The following MRC1 variants were observed in gnomAD, a reference collection of about 807,000 sequenced individuals.
MRC1 encodes macrophage mannose receptor 1.
A neutral mutation model predicts 102.9 loss-of-function variants in MRC1; 62 were observed. That is an observed-to-expected ratio of 0.60 (90% CI 0.49 to 0.74). MRC1 has a LOEUF of 0.74. MRC1 is among the 30% of genes least tolerant of loss of function. The probability of loss-of-function intolerance (pLI) is 0.00; values close to 1 mark genes in which losing one functional copy is unlikely to be tolerated. For missense variants in MRC1, 1,237 were observed against 862.8 expected (o/e 1.43, Z -5.43); for synonymous variants, 457 against 298.4 (o/e 1.53, Z -5.48).
chr10:17,853,607 T>A (rs1388146269), intron 8 of MRC1, among the ~76,000 whole-genome samples: 1 of 143,100 alleles, frequency 7.0e-6, no homozygotes, highest in East Asian at 2.0e-4. Context: ...TGTGTATATA[T>A]ATATATATGT....
chr10:17,863,722 C>T (rs1429521829), intron 11 of MRC1, 40 bp downstream of exon 11: 12 of 775,068 alleles, frequency 1.5e-5, no homozygotes, highest in African/African-American at 6.8e-5. Context: ...TTTCACCCTA[C>T]GAATCTGTTA....
At chr10:17,868,254 G>A (rs1264205760) in intron 12 of MRC1, among the ~76,000 whole-genome samples, 1 of 152,150 alleles carries the variant, frequency 6.6e-6, no homozygotes, top group African/African-American at 2.4e-5. Context: ...AATTTAAAAA[G>A]GAAAGAGGTT....
At chr10:17,906,673 G>A (rs1392201003) in intron 26 of MRC1, among the ~76,000 whole-genome samples, 2 of 152,118 alleles carry the variant, frequency 1.3e-5, no homozygotes, top group African/African-American at 4.8e-5. Context: ...CTAGTTCAGT[G>A]CTTGTACTCA....
intron 17 of MRC1, 106 bp downstream of exon 17, chr10:17,875,359 A>C: frequency 1.3e-6 from 1 of 741,504 alleles, no homozygotes; most frequent in Non-Finnish European, 2.5e-6. Flanking sequence ...ATTTTGGTAC[A>C]CCCGTCACCT....
intron 22 of MRC1, among the ~76,000 whole-genome samples, chr10:17,885,678 C>G (rs1238892539): frequency 6.6e-6 from 1 of 152,128 alleles, no homozygotes; most frequent in Non-Finnish European, 1.5e-5. Flanking sequence ...CATTCTGAGC[C>G]TAACTTGCAG....
chr10:17,826,079 G>C (rs1230072635), intron 2 of MRC1, among the ~76,000 whole-genome samples: 1 of 152,072 alleles, frequency 6.6e-6, no homozygotes, highest in Non-Finnish European at 1.5e-5. Context: ...ATTACAATGA[G>C]TAAAGGAAAA....
Position 17,872,130 on chromosome 10 carries a change from T to C in MRC1, c.2344+4T>C. The C allele has an allele frequency of 2.6e-6, 2 of 780,630 alleles. No individual in the cohort carries two copies. Among genetic ancestry groups the C allele is most frequent in the Non-Finnish European group, 4.8e-6 (2 of 417,746 alleles). The allele number at this position is 780,630 out of a possible 1,614,324, so 48.4% of individuals were successfully genotyped here. ...TGGATTTGCCAGATACAAAAAGGTA[T>C]GATCACCTCTTCTCTCCTTTATCTC... On this transcript the variant is annotated splice_donor_region_variant and intron_variant, in intron 15 of 29. Coordinates refer to ENST00000569591, the MANE Select transcript of MRC1 (RefSeq NM_002438.4).
At chr10:17,888,260 T>C (rs922230494) in intron 22 of MRC1, among the ~76,000 whole-genome samples, 19 of 152,100 alleles carry the variant, frequency 1.2e-4, no homozygotes, top group Non-Finnish European at 2.2e-4. Context: ...GCCAGGATAA[T>C]GGGGGGTAAA....
chr10:17,818,564 G>A (rs1043380594), intron 1 of MRC1, among the ~76,000 whole-genome samples: 3 of 152,116 alleles, frequency 2.0e-5, no homozygotes, highest in Admixed American at 6.6e-5. Flanking sequence ...ATCCCAACAC[G>A]TTGGGAGGCC....
intron 10 of MRC1, among the ~76,000 whole-genome samples, chr10:17,862,656 ATTTTTTTGGT>A (rs1173398623): frequency 1.4e-4 from 21 of 152,062 alleles, no homozygotes; most frequent in Non-Finnish European, 1.5e-5. Context: ...GGAACTTTTA[ATTTTTTTGGT>A]TTGTTTTGTT....
At chr10:17,846,269 C>T (rs544993157) in intron 6 of MRC1, among the ~76,000 whole-genome samples, 2 of 152,042 alleles carry the variant, frequency 1.3e-5, no homozygotes, top group Non-Finnish European at 2.9e-5. Context: ...TGTGTTGTCC[C>T]TTACAATTTT....
In MRC1 at chr10:17,872,093, C is replaced by T. The variant is rs1833362138; in HGVS notation, c.2311C>T (p.His771Tyr). Residue 771 changes from histidine (H) to tyrosine (Y), a missense_variant, in exon 15 of 30, where the codon CAC becomes TAC. Coordinates refer to ENST00000569591, the MANE Select transcript of MRC1 (RefSeq NM_002438.4). ...GTCTTGGAATGATATTAATTGTGAA[C>T]ACCTTAACAACTGGATTTGCCAGAT... ...TMSWNDINCE[H>Y]LNNWICQIQK... 5.1e-6 allele frequency: 4 copies of T among 780,522 alleles called. No individual in the cohort carries two copies. The allele number at this position is 780,522 out of a possible 1,614,324, so 48.3% of individuals were successfully genotyped here. A position where few individuals can be genotyped will look rare whatever the true frequency, so the allele number is the denominator to read the frequency against.
intron 1 of MRC1, among the ~76,000 whole-genome samples, chr10:17,812,502 G>T (rs1838238924): frequency 6.6e-6 from 1 of 151,220 alleles, no homozygotes; most frequent in African/African-American, 2.4e-5. Context: ...TCCCACCATG[G>T]TTGATTTCAA....
chr10:17,903,434 C>T (rs1327251044), intron 26 of MRC1, among the ~76,000 whole-genome samples: 1,507 of 128,628 alleles, frequency 0.012, 35 homozygotes, highest in African/African-American at 0.042. Flanking sequence ...CTCATTCCCT[C>T]GCCCAGGCTG....
intron 12 of MRC1, 48 bp from the exon 13 acceptor site, chr10:17,870,198 G>T (rs1833335037): frequency 1.3e-6 from 1 of 751,690 alleles, no homozygotes; most frequent in Admixed American, 1.9e-5. Context: ...CTCTTAATTT[G>T]ATAAACTACA....
chr10:17,878,437 G>T (rs1833467169), intron 18 of MRC1, among the ~76,000 whole-genome samples: 1 of 152,152 alleles, frequency 6.6e-6, no homozygotes, highest in African/African-American at 2.4e-5. Context: ...TTAAAAGGGT[G>T]ATTGTACCAT....
intron 3 of MRC1, among the ~76,000 whole-genome samples, chr10:17,833,177 A>G (rs1419032417): frequency 6.6e-6 from 1 of 152,068 alleles, no homozygotes; most frequent in African/African-American, 2.4e-5. Flanking sequence ...CTCATCCCCT[A>G]CTTCCTATTT....
chr10:17,828,950 C>G (rs915871592), intron 3 of MRC1, among the ~76,000 whole-genome samples: 1 of 151,396 alleles, frequency 6.6e-6, no homozygotes, highest in African/African-American at 2.5e-5. Flanking sequence ...TTCCTCTTAG[C>G]TTCACGTTCC....
At chr10:17,888,730 A>G (rs1833634626) in intron 22 of MRC1, among the ~76,000 whole-genome samples, 1 of 152,162 alleles carries the variant, frequency 6.6e-6, no homozygotes, top group Non-Finnish European at 1.5e-5. Flanking sequence ...AGAAGAATGT[A>G]TATTCTACTA....
Sources: gnomAD v4.1 joint callset for allele counts (sites outside exome capture counted in the v4.1 genomes callset) on GRCh38, gnomAD v4.1.1 for gene constraint, MANE v1.5 for transcripts, NCBI Gene and HGNC (gene_info 2026-07-23, HGNC 2026-07-21) for gene names.